Variants in AGAP1 observed in about 807,000 individuals in gnomAD.
AGAP1 encodes the protein arf-GAP with GTPase, ANK repeat and PH domain-containing protein 1.
A neutral mutation model predicts 105.3 loss-of-function variants in AGAP1; 29 were observed. The observed-to-expected ratio is 0.28, with a 90% CI of 0.21 to 0.38. The LOEUF is 0.38. AGAP1 is among the 10% of genes least tolerant of loss of function. The pLI is 1.00. For synonymous variants in AGAP1, 509 were observed against 485.9 expected, an observed-to-expected ratio of 1.05 and a Z score of -0.63; for missense variants, 998 against 1,165.1, an observed-to-expected ratio of 0.86 and a Z score of 2.09.
chr2:235,495,633 G>A (rs1324618725), intron 1 of AGAP1, among the ~76,000 whole-genome samples: 2 of 152,262 alleles, frequency 1.3e-5, no homozygotes, highest in East Asian at 3.9e-4. Context: ...GTCAGGCAGG[G>A]CCATGGCCTT....
At chr2:235,537,286 C>T (rs1943272028) in intron 1 of AGAP1, among the ~76,000 whole-genome samples, 1 of 152,214 alleles carries the variant, frequency 6.6e-6, no homozygotes, top group Admixed American at 6.5e-5. Context: ...GCATCCGCTG[C>T]AGGCCCAGGT....
intron 9 of AGAP1, among the ~76,000 whole-genome samples, chr2:235,807,766 C>T (rs967277387): frequency 2.6e-5 from 4 of 152,182 alleles, no homozygotes; most frequent in Non-Finnish European, 5.9e-5. Flanking sequence ...TTTGTAACAA[C>T]GAGGCAATTA....
chr2:235,580,733 T>A (rs1944903174), intron 1 of AGAP1, among the ~76,000 whole-genome samples: 1 of 152,108 alleles, frequency 6.6e-6, no homozygotes, highest in East Asian at 1.9e-4. Flanking sequence ...CAGTGGCACT[T>A]AGATGACAGT....
chr2:235,543,770 G>A (rs1299132668), intron 1 of AGAP1, among the ~76,000 whole-genome samples: 1 of 152,232 alleles, frequency 6.6e-6, no homozygotes, highest in African/African-American at 2.4e-5. Flanking sequence ...AACAGCACGA[G>A]AGCTCCTTGG....
chr2:235,618,971 AGAG>A (rs36046973), intron 1 of AGAP1, among the ~76,000 whole-genome samples: 2,038 of 152,316 alleles, frequency 0.013, 17 homozygotes, highest in Middle Eastern at 0.054. Flanking sequence ...CTTTTGGGTC[AGAG>A]TCACAGAAGG....
rs1456825770 is a variant in AGAP1, at chr2:235,664,621, T to C, written c.164-44558T>C. On this transcript the variant is annotated intron_variant, in intron 1 of 17. Coordinates refer to ENST00000304032, the MANE Select transcript of AGAP1 (RefSeq NM_001037131.3). This position sits in a 1 kb window ranked among gnomAD's most constrained non-coding sequence, Gnocchi z 5.7. Reference sequence around the variant, plus strand: ...TTTGGGAATAAGAATCTACTCACAATGGACACTTGCTGGCTTGTTTTAAAA... The same window carrying C: ...TTTGGGAATAAGAATCTACTCACAACGGACACTTGCTGGCTTGTTTTAAAA... Among the ~76,000 whole-genome samples the C allele has an allele frequency of 1.3e-5, 2 of 152,222 alleles. No individual in the cohort carries two copies. The highest frequency in any genetic ancestry group is 2.9e-5 in the Non-Finnish European group (2 of 68,032).
At chr2:235,802,859 T>C (rs1957582831) in intron 8 of AGAP1, among the ~76,000 whole-genome samples, 3 of 146,012 alleles carry the variant, frequency 2.1e-5, no homozygotes, top group African/African-American at 7.7e-5. Context: ...ATGATGGTTG[T>C]GATGGTGATG....
At chr2:235,921,287 A>G (rs2052170730) in intron 11 of AGAP1, among the ~76,000 whole-genome samples, 1 of 152,242 alleles carries the variant, frequency 6.6e-6, no homozygotes, top group Non-Finnish European at 1.5e-5. Context: ...CAACATGGGG[A>G]AAATGGTTAG....
rs114415547 is a variant in AGAP1, at chr2:236,122,063, C to A, written c.2370+1616C>A. Among the ~76,000 whole-genome samples the A allele has an allele frequency of 1.9e-3, 282 of 151,612 alleles. 1 individual carries two copies. The highest frequency in any genetic ancestry group is 6.6e-3 in the African/African-American group (273 of 41,228). On this transcript the variant is annotated intron_variant, in intron 17 of 17. Coordinates refer to ENST00000304032, the MANE Select transcript of AGAP1 (RefSeq NM_001037131.3). ...AACTCCTGGGCTCAAGCAATCCCCCCACCCTAGCCTCCCAAGTAATTGGGA... is the reference window on the plus strand; with the variant it reads ...AACTCCTGGGCTCAAGCAATCCCCCAACCCTAGCCTCCCAAGTAATTGGGA...
intron 9 of AGAP1, among the ~76,000 whole-genome samples, chr2:235,812,125 T>G (rs1958177894): frequency 1.3e-5 from 2 of 152,194 alleles, no homozygotes; most frequent in Admixed American, 1.3e-4. Context: ...CCTTTTGTGA[T>G]GCTCGGTGGA....
intron 1 of AGAP1, among the ~76,000 whole-genome samples, chr2:235,604,742 C>T (rs1335032422): frequency 6.6e-6 from 1 of 151,546 alleles, no homozygotes; most frequent in African/African-American, 2.4e-5. Flanking sequence ...GCTACCACGC[C>T]TGGCTAATTT....
chr2:236,114,101 G>A lies in AGAP1; in HGVS notation c.2115-6091G>A, dbSNP rs955411420. Among the ~76,000 whole-genome samples the A allele has an allele frequency of 2.6e-5, 4 of 152,096 alleles. No homozygotes were observed. The highest frequency in any genetic ancestry group is 4.4e-5 in the Non-Finnish European group (3 of 67,996). The stretch of plus-strand genomic sequence containing the variant: ...CCCTCCTTTCTGCTGACGGCCGGCC[G>A]CGCCAATAATTCATTTTTTAGCTCA... On this transcript the variant is annotated intron_variant, in intron 16 of 17. Coordinates refer to ENST00000304032, the MANE Select transcript of AGAP1 (RefSeq NM_001037131.3). The surrounding 1 kb of genome is among the most constrained non-coding windows in gnomAD (Gnocchi z 5.0).
chr2:235,499,575 A>G (rs7596045), intron 1 of AGAP1, among the ~76,000 whole-genome samples: 134,966 of 152,176 alleles, frequency 0.89, 60,174 homozygotes, highest in East Asian at 0.99. Flanking sequence ...GGCACCCGGG[A>G]CCTCCACAAT....
Position 235,608,967 on chromosome 2 carries a change from A to G in AGAP1, c.164-100212A>G, listed in dbSNP as rs1946040176. On this transcript the variant is annotated intron_variant, in intron 1 of 17. Coordinates refer to ENST00000304032, the MANE Select transcript of AGAP1 (RefSeq NM_001037131.3). The surrounding 1 kb of genome is among the most constrained non-coding windows in gnomAD (Gnocchi z 5.4). ...TGCAAATGATAGTACTAGGAATAAT[A>G]GTAGTAGAAGTAGTAATAATAATTA... 6.6e-6 allele frequency among the ~76,000 whole-genome samples: 1 copy of G among 151,902 alleles called. No homozygotes were observed. Among genetic ancestry groups the G allele is most frequent in the Non-Finnish European group, 1.5e-5 (1 of 68,002 alleles).
chr2:235,893,522 G>A lies in AGAP1; in HGVS notation c.1155+10073G>A, dbSNP rs2050653162. Among the ~76,000 whole-genome samples, 1 of 148,182 alleles carries A rather than the reference G, an allele frequency of 6.7e-6. No homozygotes were observed. Among genetic ancestry groups the A allele is most frequent in the African/African-American group, 2.5e-5 (1 of 40,126 alleles). ...TGTGGCGTGGGTGTGGCATGTCCAC[G>A]AGGGTGCACCATGTCTGTGGTGCGG... On this transcript the variant is annotated intron_variant, in intron 10 of 17. Coordinates refer to ENST00000304032, the MANE Select transcript of AGAP1 (RefSeq NM_001037131.3). This position sits in a 1 kb window ranked among gnomAD's most constrained non-coding sequence, Gnocchi z 4.7.
At chr2:235,542,771 T>A (rs745947772) in intron 1 of AGAP1, among the ~76,000 whole-genome samples, 1 of 152,214 alleles carries the variant, frequency 6.6e-6, no homozygotes, top group Admixed American at 6.5e-5. Flanking sequence ...TGTGTATTTT[T>A]GTGCCAAGCC....
At chr2:235,800,660 A>G (rs1267082389) in intron 8 of AGAP1, among the ~76,000 whole-genome samples, 1 of 152,216 alleles carries the variant, frequency 6.6e-6, no homozygotes, top group African/African-American at 2.4e-5. Flanking sequence ...GTGCTTCTGA[A>G]CCAGGGTGGT....
intron 9 of AGAP1, among the ~76,000 whole-genome samples, chr2:235,841,254 A>G (rs971487455): frequency 6.6e-6 from 1 of 152,174 alleles, no homozygotes; most frequent in African/African-American, 2.4e-5. Flanking sequence ...TAAATGATAC[A>G]GTGGCGAACT....
intron 1 of AGAP1, among the ~76,000 whole-genome samples, chr2:235,677,258 A>G (rs750376062): frequency 1.3e-5 from 2 of 152,124 alleles, no homozygotes; most frequent in Non-Finnish European, 2.9e-5. Flanking sequence ...TGGTGACATC[A>G]CTAACAGCTC....
Sources: gnomAD v4.1 joint callset for allele counts (sites outside exome capture counted in the v4.1 genomes callset) on GRCh38, gnomAD v4.1.1 for gene constraint, Gnocchi (gnomAD v3.1) non-coding constraint, MANE v1.5 for transcripts, NCBI Gene and HGNC (gene_info 2026-07-23, HGNC 2026-07-21) for gene names.